SLC30A8: variants seen among roughly 807,000 people sequenced by gnomAD.
The protein encoded by SLC30A8 is solute carrier family 30 member 8.
SLC30A8 carries 27 observed loss-of-function variants against 36.9 expected under a neutral mutation model. The ratio of observed to expected loss-of-function variants is 0.73; its 90% CI spans 0.54 to 1.01. SLC30A8 has a LOEUF of 1.01. SLC30A8 is among the 50% of genes least tolerant of loss of function. The pLI, the probability that SLC30A8 is intolerant of heterozygous loss-of-function variation, is 0.00. For synonymous variants in SLC30A8, 164 were observed against 172.4 expected, an observed-to-expected ratio of 0.95 and a Z score of 0.38; for missense variants, 439 against 452.0, an observed-to-expected ratio of 0.97 and a Z score of 0.26.
At chr8:116,966,331 C>T (rs1814599521) in intron 1 of SLC30A8, among the ~76,000 whole-genome samples, 1 of 152,124 alleles carries the variant, frequency 6.6e-6, no homozygotes, top group Non-Finnish European at 1.5e-5. Context: ...AGTTCAATGG[C>T]TAGTTACTTG....
At chr8:117,022,074 C>G in intron 1 of SLC30A8, among the ~76,000 whole-genome samples, 1 of 151,922 alleles carries the variant, frequency 6.6e-6, no homozygotes, top group Non-Finnish European at 1.5e-5. Context: ...GTGGCCGGCA[C>G]CTGTAGTCCC....
At chr8:117,093,132 C>A (rs190845715) in intron 2 of SLC30A8, among the ~76,000 whole-genome samples, 69 of 152,052 alleles carry the variant, frequency 4.5e-4, no homozygotes, top group Admixed American at 1.0e-3. Context: ...CTCCTCTCCT[C>A]CTTAATCTTC....
intron 4 of SLC30A8, among the ~76,000 whole-genome samples, chr8:117,161,356 C>T (rs1822782805): frequency 6.6e-6 from 1 of 152,094 alleles, no homozygotes. Flanking sequence ...TTTAATTAAG[C>T]TCCCAATGAA....
Position 117,172,686 on chromosome 8 carries a change from G to A in SLC30A8, c.*5G>A, listed in dbSNP as rs1157725123. 2.5e-6 allele frequency: 4 copies of A among 1,613,186 alleles called. No individual in the cohort carries two copies. Among genetic ancestry groups the A allele is most frequent in the Non-Finnish European group, 2.5e-6 (3 of 1,179,410 alleles). On this transcript the variant is annotated 3_prime_UTR_variant, in exon 8 of 8. Coordinates refer to ENST00000456015, the MANE Select transcript of SLC30A8 (RefSeq NM_173851.3). ...TGTGAAGACCCCTGTGACTAGCTCA[G>A]TCACACCGTCAGTTTCCCAAATTTG... is the stretch of plus-strand genomic sequence containing the variant.
intron 1 of SLC30A8, among the ~76,000 whole-genome samples, chr8:117,007,313 A>G (rs1816216535): frequency 6.6e-6 from 1 of 152,174 alleles, no homozygotes; most frequent in African/African-American, 2.4e-5. Context: ...TTTTGGAGGC[A>G]TTTGGTTTTT....
Position 117,048,827 on chromosome 8 carries a change from A to T in SLC30A8, c.-226+9569A>T, listed in dbSNP as rs189988198. On this transcript the variant is annotated intron_variant, in intron 2 of 10. Transcript: ENST00000427715. ...AAATAAGACTTTGTGTTATTTTAAG[A>T]TCATTACCCTTGCAACATTCCCGAT... Among the ~76,000 whole-genome samples, 37 of 152,316 alleles carry T rather than the reference A, an allele frequency of 2.4e-4. No individual in the cohort carries two copies. In the East Asian group the frequency reaches 6.8e-3, roughly 28 times the overall value.
intron 1 of SLC30A8, among the ~76,000 whole-genome samples, chr8:117,016,252 T>C (rs1816515061): frequency 6.6e-6 from 1 of 152,180 alleles, no homozygotes; most frequent in African/African-American, 2.4e-5. Flanking sequence ...GCACAGAAAA[T>C]GCTCAGTAAA....
Position 117,095,270 on chromosome 8 carries a change from G to A in SLC30A8, c.-225-40010G>A, listed in dbSNP as rs531092259. Among the ~76,000 whole-genome samples the A allele has an allele frequency of 9.9e-5, 15 of 152,166 alleles. No homozygotes were observed. The South Asian group carries it at 2.5e-3, about 25-fold the overall frequency. ...GCCGCTGCTGTCATCAATACTAGTCGGTTTTATTCACTCAATGGTTTGTTC... is the reference window on the plus strand; with the variant it reads ...GCCGCTGCTGTCATCAATACTAGTCAGTTTTATTCACTCAATGGTTTGTTC... On this transcript the variant is annotated intron_variant, in intron 2 of 10. Coordinates refer to the SLC30A8 transcript ENST00000427715.
At chr8:116,979,786 A>C (rs1325735299) in intron 1 of SLC30A8, among the ~76,000 whole-genome samples, 1 of 152,204 alleles carries the variant, frequency 6.6e-6, no homozygotes, top group Non-Finnish European at 1.5e-5. Flanking sequence ...CCATGAAAGC[A>C]GTCTGTTATC....
intron 1 of SLC30A8, 92 bp downstream of exon 1, chr8:117,135,490 C>G (rs577575912): frequency 2.5e-5 from 24 of 945,022 alleles, no homozygotes; most frequent in Non-Finnish European, 3.4e-5. Flanking sequence ...GGCCTTTACT[C>G]TGCAACTTGG....
intron 1 of SLC30A8, among the ~76,000 whole-genome samples, chr8:116,975,854 A>G (rs1814982624): frequency 6.6e-6 from 1 of 152,226 alleles, no homozygotes. Flanking sequence ...AGACTTATTC[A>G]TAACTTTTTT....
chr8:117,062,144 A>G (rs1469967170), intron 2 of SLC30A8, among the ~76,000 whole-genome samples: 1 of 152,180 alleles, frequency 6.6e-6, no homozygotes, highest in African/African-American at 2.4e-5. Context: ...AGACTAAGCC[A>G]CTGGGTCTGG....
chr8:117,165,226 A>G (rs1822998758), intron 6 of SLC30A8, among the ~76,000 whole-genome samples: 1 of 152,188 alleles, frequency 6.6e-6, no homozygotes, highest in Admixed American at 6.5e-5. Context: ...TATCACATCC[A>G]CAATATAGTG....
upstream of SLC30A8, among the ~76,000 whole-genome samples, chr8:117,134,263 G>A (rs985338202): frequency 6.6e-6 from 1 of 151,910 alleles, no homozygotes; most frequent in Non-Finnish European, 1.5e-5. Flanking sequence ...CAAGGAAAAG[G>A]CAACAAGAAC....
intron 1 of SLC30A8, among the ~76,000 whole-genome samples, chr8:116,988,718 AT>A (rs1456209565): frequency 1.3e-5 from 2 of 152,160 alleles, no homozygotes; most frequent in African/African-American, 4.8e-5. Context: ...TATTCTTGTT[AT>A]TTTACTATAA....
chr8:117,116,789 A>T (rs1431611228), intron 2 of SLC30A8, among the ~76,000 whole-genome samples: 4 of 152,058 alleles, frequency 2.6e-5, no homozygotes. Context: ...TCAAGTGTCC[A>T]TAGGAGACAG....
At chr8:117,092,854 G>A in intron 2 of SLC30A8, among the ~76,000 whole-genome samples, 1 of 152,170 alleles carries the variant, frequency 6.6e-6, no homozygotes, top group East Asian at 1.9e-4. Context: ...GCTTCGGACT[G>A]GAGTGAGAGT....
chr8:117,062,538 C>T (rs570619641), intron 2 of SLC30A8, among the ~76,000 whole-genome samples: 1 of 152,350 alleles, frequency 6.6e-6, no homozygotes, highest in South Asian at 2.1e-4. Context: ...ATGAGAGATA[C>T]ACCCCTGATC....
intron 2 of SLC30A8, among the ~76,000 whole-genome samples, chr8:117,050,250 G>A (rs1006321326): frequency 2.0e-5 from 3 of 152,088 alleles, no homozygotes; most frequent in African/African-American, 7.2e-5. Flanking sequence ...CACTTGAGCA[G>A]GTTCAGAGAT....
Sources: gnomAD v4.1 joint callset for allele counts (sites outside exome capture counted in the v4.1 genomes callset) on GRCh38, gnomAD v4.1.1 for gene constraint, MANE v1.5 for transcripts, NCBI Gene and HGNC (gene_info 2026-07-23, HGNC 2026-07-21) for gene names.